GNA14: variants seen among roughly 807,000 people sequenced by gnomAD.
The protein encoded by GNA14 is G protein subunit alpha 14, also known as guanine nucleotide-binding protein subunit alpha-14.
Under a neutral mutation model 42.0 loss-of-function variants are expected in GNA14, and 50 were observed. The ratio of observed to expected loss-of-function variants is 1.19; its 90% CI spans 0.95 to 1.51. The LOEUF (loss-of-function observed/expected upper bound fraction) is 1.51, where lower values mean the gene tolerates loss of function less well. Ranked by LOEUF, GNA14 falls within the 40% of genes most tolerant of loss-of-function variation. The pLI, the probability that GNA14 is intolerant of heterozygous loss-of-function variation, is 0.00. For missense variants in GNA14, 473 were observed against 446.2 expected (o/e 1.06, Z -0.54); for synonymous variants, 173 against 163.1 (o/e 1.06, Z -0.46).
intron 2 of GNA14, among the ~76,000 whole-genome samples, chr9:77,527,787 CCACACCCAG>C (rs1370796004): frequency 6.6e-6 from 1 of 152,176 alleles, no homozygotes. Flanking sequence ...GTGCCTGCCA[CCACACCCAG>C]CTAATGTTTT....
chr9:77,434,265 A>G, intron 3 of GNA14, 103 bp downstream of exon 3: 1 of 1,063,320 alleles, frequency 9.4e-7, no homozygotes, highest in African/African-American at 1.6e-5. Context: ...TAGCGCTGCC[A>G]CTGTGCACCG....
At chr9:77,481,972 C>A (rs1311375208) in intron 2 of GNA14, among the ~76,000 whole-genome samples, 1 of 152,120 alleles carries the variant, frequency 6.6e-6, no homozygotes, top group African/African-American at 2.4e-5. Context: ...TTCCTGAATA[C>A]AGCACACTGA....
At chr9:77,604,685 G>T (rs1269508452) in intron 1 of GNA14, among the ~76,000 whole-genome samples, 1 of 152,216 alleles carries the variant, frequency 6.6e-6, no homozygotes, top group Non-Finnish European at 1.5e-5. Flanking sequence ...AGAGGCCTGA[G>T]ATCAAGTCAT....
At chr9:77,431,493 G>A in intron 3 of GNA14, 44 bp from the exon 4 acceptor site, 1 of 1,563,484 alleles carries the variant, frequency 6.4e-7, no homozygotes, top group South Asian at 1.2e-5. Flanking sequence ...TTTAGAGCAG[G>A]GGGAAATGTC....
At chr9:77,596,061 T>C (rs1044169782) in intron 1 of GNA14, among the ~76,000 whole-genome samples, 4 of 151,964 alleles carry the variant, frequency 2.6e-5, no homozygotes, top group Non-Finnish European at 4.4e-5. Flanking sequence ...CTAAGTGCAC[T>C]GCGTATAAAA....
chr9:77,483,158 C>T (rs1036674006), intron 2 of GNA14, among the ~76,000 whole-genome samples: 10 of 152,122 alleles, frequency 6.6e-5, no homozygotes, highest in Admixed American at 5.9e-4. Flanking sequence ...AGTTTTTCTG[C>T]TCTGTTTTTT....
chr9:77,603,010 T>A (rs10747020), intron 1 of GNA14, among the ~76,000 whole-genome samples: 94,785 of 152,020 alleles, frequency 0.62, 29,803 homozygotes, highest in East Asian at 0.71. Flanking sequence ...CCAACTCTTT[T>A]TTGTCTTCAT....
chr9:77,428,837 G>A (rs950635483), intron 5 of GNA14, 70 bp downstream of exon 5: 68 of 1,515,410 alleles, frequency 4.5e-5, no homozygotes, highest in South Asian at 1.3e-4. Flanking sequence ...TTCCTGACCC[G>A]GCTGCCTTCT....
intron 1 of GNA14, among the ~76,000 whole-genome samples, chr9:77,558,967 C>G (rs920815): frequency 0.76 from 114,164 of 150,974 alleles, 44,243 homozygotes; most frequent in African/African-American, 0.93. Flanking sequence ...AAAAAACCTC[C>G]TCCTGAGAAC....
intron 1 of GNA14, among the ~76,000 whole-genome samples, chr9:77,620,043 A>G (rs998575882): frequency 6.6e-6 from 1 of 152,118 alleles, no homozygotes; most frequent in Non-Finnish European, 1.5e-5. Context: ...CAGCAACTAG[A>G]TATTATTTCC....
At chr9:77,581,075 AT>A (rs1823217479) in intron 1 of GNA14, among the ~76,000 whole-genome samples, 1 of 151,782 alleles carries the variant, frequency 6.6e-6, no homozygotes. Flanking sequence ...CTCAGTTTGA[AT>A]TATAAATGAC....
intron 2 of GNA14, among the ~76,000 whole-genome samples, chr9:77,483,523 T>C (rs535486119): frequency 1.3e-5 from 2 of 152,240 alleles, no homozygotes; most frequent in Admixed American, 1.3e-4. Flanking sequence ...GGGTCAGGGA[T>C]CCACTTGAGG....
rs116521645 is a variant in GNA14, at chr9:77,509,575, G to A, written c.309+19494C>T. ...ATTACTAGATAAATGTAAAAAATCT[G>A]ATCATTTTTAAAATTACTATATTGT... On this transcript the variant is annotated intron_variant, in intron 2 of 6. Transcript: ENST00000341700. Among the ~76,000 whole-genome samples, 521 of 152,268 alleles carry A rather than the reference G, an allele frequency of 3.4e-3. 4 individuals are homozygous for A. The highest frequency in any genetic ancestry group is 0.012 in the African/African-American group (478 of 41,556).
chr9:77,556,611 C>G (rs1822785121), intron 1 of GNA14, among the ~76,000 whole-genome samples: 1 of 152,142 alleles, frequency 6.6e-6, no homozygotes, highest in Non-Finnish European at 1.5e-5. Context: ...CAGCCCAGGC[C>G]ACTCACAACT....
At chr9:77,553,806 G>C (rs1837813579) in intron 1 of GNA14, among the ~76,000 whole-genome samples, 1 of 152,086 alleles carries the variant, frequency 6.6e-6, no homozygotes, top group Non-Finnish European at 1.5e-5. Flanking sequence ...GAAATCATTG[G>C]ACAAGTGGCC....
chr9:77,536,325 T>C (rs1437305552), intron 1 of GNA14, among the ~76,000 whole-genome samples: 1 of 151,928 alleles, frequency 6.6e-6, no homozygotes, highest in Non-Finnish European at 1.5e-5. Context: ...ATTCAAAATA[T>C]GTTGTATTAT....
intron 2 of GNA14, among the ~76,000 whole-genome samples, chr9:77,500,702 ATGTAACCT>A (rs1334141144): frequency 6.6e-6 from 1 of 152,224 alleles, no homozygotes; most frequent in Non-Finnish European, 1.5e-5. Flanking sequence ...ATCATATAGT[ATGTAACCT>A]TGTGGGATTG....
At chr9:77,464,958 TG>T (rs1836195935) in intron 2 of GNA14, among the ~76,000 whole-genome samples, 1 of 151,984 alleles carries the variant, frequency 6.6e-6, no homozygotes, top group African/African-American at 2.4e-5. Context: ...AGGCAGAGAT[TG>T]GGGGTTACAT....
At chr9:77,486,253 T>A (rs2165964) in intron 2 of GNA14, among the ~76,000 whole-genome samples, 95,961 of 152,084 alleles carry the variant, frequency 0.63, 32,034 homozygotes, top group African/African-American at 0.85. Context: ...CTTTCCATAA[T>A]CCTCATGAAC....
Sources: allele counts gnomAD v4.1 joint callset (sites outside exome capture counted in the v4.1 genomes callset), GRCh38; gene constraint gnomAD v4.1.1; transcripts MANE v1.5; gene names NCBI Gene and HGNC (gene_info 2026-07-23, HGNC 2026-07-21).